ANK2: variants seen among roughly 807,000 people sequenced by gnomAD.
ANK2 encodes the protein ankyrin-2.
ANK2 carries 83 observed loss-of-function variants against 360.5 expected under a neutral mutation model. The observed-to-expected ratio is 0.23, with a 90% CI of 0.19 to 0.28. The LOEUF is 0.28. ANK2 is among the 10% of genes least tolerant of loss of function. The probability of loss-of-function intolerance (pLI) is 1.00; values close to 1 mark genes in which losing one functional copy is unlikely to be tolerated. For missense variants in ANK2, 4,201 were observed against 4,795.7 expected (o/e 0.88, Z 3.66); for synonymous variants, 1,740 against 1,759.5 (o/e 0.99, Z 0.28).
intron 2 of ANK2, among the ~76,000 whole-genome samples, chr4:112,955,212 T>C (rs1331056412): frequency 6.7e-6 from 1 of 148,480 alleles, no homozygotes. Flanking sequence ...ACTTTTTATC[T>C]TTTTTAATTT....
intron 2 of ANK2, among the ~76,000 whole-genome samples, chr4:112,943,808 G>T (rs2094390765): frequency 1.3e-5 from 2 of 152,056 alleles, no homozygotes; most frequent in African/African-American, 2.4e-5. Flanking sequence ...GGGGGAGAGG[G>T]TAAGGGTAGT....
the ANK2 span, among the ~76,000 whole-genome samples, chr4:112,760,188 CTT>C: frequency 0.024 from 2,957 of 123,428 alleles, 92 homozygotes; most frequent in African/African-American, 0.083. Flanking sequence ...ATTCCATATT[CTT>C]TTTTTTTTTT....
chr4:112,795,274 T>A, the ANK2 span, among the ~76,000 whole-genome samples: 1 of 152,116 alleles, frequency 6.6e-6, no homozygotes, highest in African/African-American at 2.4e-5. Context: ...TAAACTAGAT[T>A]CCTGGGATAT....
rs1176581012 is a variant in ANK2 at position 112,881,690 on chromosome 4, C to G, written c.-39-22765C>G. ...GCTAAAATACAATTAGTCACAAACA[C>G]AGTTCTCGAGTTTTTTGCCCATACA... On this transcript the variant is annotated intron_variant, in intron 1 of 30. Coordinates refer to the ANK2 transcript ENST00000503271. 4 of 494,592 alleles carry G rather than the reference C, an allele frequency of 8.1e-6. No individual in the cohort carries two copies. The Admixed American group carries it at 1.3e-4, about 16-fold the overall frequency. The allele number at this position is 494,592 out of a possible 1,614,324, so 30.6% of individuals were successfully genotyped here. A position where few individuals can be genotyped will look rare whatever the true frequency, so the allele number is the denominator to read the frequency against.
intron 2 of ANK2, among the ~76,000 whole-genome samples, chr4:113,036,626 G>T (rs1046479932): frequency 1.3e-5 from 2 of 151,828 alleles, no homozygotes; most frequent in Admixed American, 6.6e-5. Context: ...CTTAAATTTA[G>T]ACTGTGACAC....
chr4:113,159,364 C>T (rs1041341696), intron 1 of ANK2, among the ~76,000 whole-genome samples: 4 of 151,988 alleles, frequency 2.6e-5, no homozygotes, highest in African/African-American at 4.8e-5. Context: ...CTTTCTCCTT[C>T]GTATCTTGGC....
Position 113,126,337 on chromosome 4 carries a change from T to C in ANK2, c.85-48079T>C, listed in dbSNP as rs114461438. On this transcript the variant is annotated intron_variant, in intron 1 of 45. Coordinates refer to ENST00000357077, the MANE Select transcript of ANK2 (RefSeq NM_001148.6). ...CAGCAATTCACAAACCTTTCAATTG[T>C]ACAGCTTAGTGAAAATAAATCTCCT... Among the ~76,000 whole-genome samples the C allele has an allele frequency of 2.8e-3, 429 of 152,352 alleles. 1 individual carries two copies. Among genetic ancestry groups the C allele is most frequent in the African/African-American group, 1.0e-2 (414 of 41,582 alleles).
the ANK2 span, among the ~76,000 whole-genome samples, chr4:112,729,342 T>G: frequency 6.6e-6 from 1 of 152,062 alleles, no homozygotes; most frequent in Non-Finnish European, 1.5e-5. Flanking sequence ...TGGATATATA[T>G]CCAAAGAAAA....
chr4:113,071,822 G>C (rs911890297), intron 1 of ANK2: 1 of 152,450 alleles, frequency 6.6e-6, no homozygotes, highest in African/African-American at 2.4e-5. Context: ...AAAAGAAAGA[G>C]GTTTAATTAA....
Position 113,258,304 on chromosome 4 carries a change from G to T in ANK2, c.1288-9G>T. 1 of 1,613,688 alleles carries T rather than the reference G, an allele frequency of 6.2e-7. No homozygotes were observed. Reference sequence around the variant, plus strand: ...AGAGGAGTAAAACTGCTGTTGCTTTGTTTCGCAGTCTGGCCTCACACCAAT... The same window carrying T: ...AGAGGAGTAAAACTGCTGTTGCTTTTTTTCGCAGTCTGGCCTCACACCAAT... On this transcript the variant is annotated splice_polypyrimidine_tract_variant and intron_variant, in intron 12 of 45. Transcript: ENST00000357077.
chr4:112,864,087 G>T (rs1328178782), intron 1 of ANK2, among the ~76,000 whole-genome samples: 2 of 152,272 alleles, frequency 1.3e-5, no homozygotes, highest in Middle Eastern at 3.4e-3. Context: ...AGATTAGGTA[G>T]GGTGTTATAG....
chr4:113,050,542 A>G (rs1271883637), intron 1 of ANK2, among the ~76,000 whole-genome samples: 1 of 152,174 alleles, frequency 6.6e-6, no homozygotes, highest in Non-Finnish European at 1.5e-5. Flanking sequence ...GATGCAAACT[A>G]TTCAGCCCCA....
chr4:113,367,437 C>A (rs2096576695), intron 41 of ANK2, 129 bp from the exon 42 acceptor site: 5 of 837,948 alleles, frequency 6.0e-6, no homozygotes, highest in Non-Finnish European at 7.7e-6. Flanking sequence ...CTTTGTAATC[C>A]ATGGGCCCAT....
chr4:112,956,186 T>G (rs1302875362), intron 2 of ANK2, among the ~76,000 whole-genome samples: 3 of 152,176 alleles, frequency 2.0e-5, no homozygotes, highest in African/African-American at 7.2e-5. Context: ...ACCTACAAAT[T>G]TAATGTCTTT....
chr4:112,735,389 G>A, the ANK2 span, among the ~76,000 whole-genome samples: 2 of 152,112 alleles, frequency 1.3e-5, no homozygotes, highest in African/African-American at 4.8e-5. Context: ...GGTTCTTTAA[G>A]CATTTCTTCT....
At chr4:113,271,883 A>C (rs2058671840) in intron 14 of ANK2, among the ~76,000 whole-genome samples, 1 of 152,182 alleles carries the variant, frequency 6.6e-6, no homozygotes, top group Admixed American at 6.5e-5. Context: ...TCCTGCTCGC[A>C]GGAAGGTCCT....
chr4:113,077,221 T>G (rs2080426588), intron 1 of ANK2, among the ~76,000 whole-genome samples: 2 of 152,120 alleles, frequency 1.3e-5, no homozygotes, highest in South Asian at 4.1e-4. Flanking sequence ...TATAAGAAGA[T>G]TCTCATCATA....
chr4:113,072,979 T>TTTTTTTTG (rs2078295870), intron 1 of ANK2, among the ~76,000 whole-genome samples: 3 of 141,210 alleles, frequency 2.1e-5, no homozygotes, highest in African/African-American at 8.1e-5. Context: ...TTTTTTTTTT[T>TTTTTTTTG]GAGGGGAGGT....
intron 1 of ANK2, among the ~76,000 whole-genome samples, chr4:113,080,160 C>T (rs757681169): frequency 7.9e-5 from 12 of 152,128 alleles, no homozygotes; most frequent in Admixed American, 3.9e-4. Flanking sequence ...CGGCCTGTCA[C>T]AGTGCTGGGA....
Sources: gnomAD v4.1 joint callset for allele counts (sites outside exome capture counted in the v4.1 genomes callset) on GRCh38, gnomAD v4.1.1 for gene constraint, MANE v1.5 for transcripts, NCBI Gene and HGNC (gene_info 2026-07-23, HGNC 2026-07-21) for gene names.